ZNF516: variants seen among roughly 807,000 people sequenced by gnomAD.
The protein encoded by ZNF516 is zinc finger protein 516.
ZNF516 carries 19 observed loss-of-function variants against 79.7 expected under a neutral mutation model. The observed-to-expected ratio is 0.24, with a 90% CI of 0.17 to 0.35. ZNF516 has a LOEUF of 0.35. ZNF516 is among the 10% of genes least tolerant of loss of function. ZNF516 has a pLI of 1.00. For missense variants in ZNF516, 1,678 were observed against 1,679.5 expected, an observed-to-expected ratio of 1.00 and a Z score of 0.02; for synonymous variants, 877 against 739.5, an observed-to-expected ratio of 1.19 and a Z score of -3.02.
chr18:76,408,906 G>A (rs541520084), intron 3 of ZNF516, among the ~76,000 whole-genome samples: 68 of 152,314 alleles, frequency 4.5e-4, no homozygotes, highest in Non-Finnish European at 8.8e-4. Flanking sequence ...TGACGAGAGC[G>A]CTGCTAAATT....
intron 1 of ZNF516, chr18:76,492,775 A>T: frequency 1.0e-6 from 1 of 985,626 alleles, no homozygotes; most frequent in Non-Finnish European, 1.2e-6. Flanking sequence ...CTGAATCTGA[A>T]AGTGCTTCTA....
At chr18:76,484,186 C>G (rs537317118) in intron 1 of ZNF516, among the ~76,000 whole-genome samples, 3 of 152,316 alleles carry the variant, frequency 2.0e-5, no homozygotes, top group East Asian at 3.9e-4. Flanking sequence ...AAAGGCTAAG[C>G]TGGGAATCAG....
At chr18:76,424,691 C>A (rs1295202054) in intron 3 of ZNF516, among the ~76,000 whole-genome samples, 16 of 144,104 alleles carry the variant, frequency 1.1e-4, no homozygotes, top group Non-Finnish European at 2.1e-4. Flanking sequence ...GAAAAGGCTC[C>A]CCCGAAACAC....
At chr18:76,465,237 G>T (rs1913388129) in intron 1 of ZNF516, among the ~76,000 whole-genome samples, 1 of 152,228 alleles carries the variant, frequency 6.6e-6, no homozygotes, top group East Asian at 1.9e-4. Flanking sequence ...TGAGACCAAG[G>T]TTTCGGGTTA....
At chr18:76,409,038 T>C (rs2075338781) in intron 3 of ZNF516, among the ~76,000 whole-genome samples, 1 of 152,180 alleles carries the variant, frequency 6.6e-6, no homozygotes, top group African/African-American at 2.4e-5. Flanking sequence ...TCATAAAAGT[T>C]TTACACTTGC....
At chr18:76,404,899 C>T (rs968058329) in intron 3 of ZNF516, among the ~76,000 whole-genome samples, 2 of 152,098 alleles carry the variant, frequency 1.3e-5, no homozygotes, top group Non-Finnish European at 2.9e-5. Flanking sequence ...TGAGTAGGAG[C>T]GTGTGTGTGT....
chr18:76,368,125 T>TTCTATAA (rs1222821363), intron 6 of ZNF516, among the ~76,000 whole-genome samples: 1 of 152,200 alleles, frequency 6.6e-6, no homozygotes, highest in South Asian at 2.1e-4. Flanking sequence ...ACAGAATGTT[T>TTCTATAA]TCTATAATCT....
At chr18:76,410,023 CA>C (rs1599044630) in intron 3 of ZNF516, among the ~76,000 whole-genome samples, 1 of 152,304 alleles carries the variant, frequency 6.6e-6, no homozygotes, top group East Asian at 1.9e-4. Flanking sequence ...TGCCCACCGC[CA>C]TGTAAGATGT....
chr18:76,417,941 A>C (rs945262384), intron 3 of ZNF516, among the ~76,000 whole-genome samples: 12 of 152,390 alleles, frequency 7.9e-5, no homozygotes, highest in Middle Eastern at 3.4e-3. Context: ...CCAGAGGGTC[A>C]AGTATAGCAG....
At chr18:76,417,762 CG>C (rs2075450734) in intron 3 of ZNF516, among the ~76,000 whole-genome samples, 1 of 152,088 alleles carries the variant, frequency 6.6e-6, no homozygotes, top group African/African-American at 2.4e-5. Flanking sequence ...TATGGAATTA[CG>C]ACTACCATTG....
intron 2 of ZNF516, among the ~76,000 whole-genome samples, chr18:76,444,718 G>A (rs907969961): frequency 2.6e-5 from 4 of 152,138 alleles, no homozygotes; most frequent in Non-Finnish European, 5.9e-5. Flanking sequence ...AATCAGTGTC[G>A]GTGTCAAGAG....
At chr18:76,403,929 C>A (rs916505646) in intron 3 of ZNF516, among the ~76,000 whole-genome samples, 2 of 152,220 alleles carry the variant, frequency 1.3e-5, no homozygotes, top group African/African-American at 4.8e-5. Context: ...ACAAAAAGCA[C>A]AGGTCCAAGG....
intron 1 of ZNF516, among the ~76,000 whole-genome samples, chr18:76,469,699 A>C (rs1254381349): frequency 5.3e-5 from 8 of 152,222 alleles, no homozygotes; most frequent in Admixed American, 5.2e-4. Flanking sequence ...CTTCCGTTAG[A>C]AAGTCCTGGA....
In ZNF516 at chr18:76,448,647, C is replaced by T. The variant is rs567632048; in HGVS notation, c.-157-5436G>A. ...AGTCTCTGTCCACATCCCCGAGGAA[C>T]TTCAGGTGACGGCAGGCTCCTTAGA... On this transcript the variant is annotated intron_variant, in intron 2 of 6. Transcript: ENST00000443185. Among the ~76,000 whole-genome samples, 6 of 152,278 alleles carry T rather than the reference C, an allele frequency of 3.9e-5. No individual in the cohort carries two copies. The South Asian group carries it at 1.2e-3, about 32-fold the overall frequency.
rs2145301337 is a variant in ZNF516 at position 76,411,115 on chromosome 18, C to T, written c.1810+30130G>A. Among the ~76,000 whole-genome samples the T allele has an allele frequency of 1.3e-5, 2 of 152,348 alleles. 1 individual carries two copies. Among genetic ancestry groups the T allele is most frequent in the Middle Eastern group, 6.8e-3 (2 of 294 alleles). On this transcript the variant is annotated intron_variant, in intron 3 of 6. Transcript: ENST00000443185. Reference sequence around the variant, plus strand: ...GCACATGGAATCCCTGAGGTCAGGACTGTCTAACAGGTCCTCCTCCGGGAT... The same window carrying T: ...GCACATGGAATCCCTGAGGTCAGGATTGTCTAACAGGTCCTCCTCCGGGAT...
At position 76,442,381 on chromosome 18, in the gene ZNF516, G is replaced by T. The variant is rs1277425483; in HGVS notation, c.674C>A (p.Thr225Asn). 2 of 1,608,900 alleles carry T rather than the reference G, an allele frequency of 1.2e-6. No individual in the cohort carries two copies. The highest frequency in any genetic ancestry group is 1.7e-5 in the Admixed American group (1 of 59,984). Reference protein sequence around the residue: ...LLSHIERDHITAQGPGSGEAC... With the variant: ...LLSHIERDHINAQGPGSGEAC... ...CTCGCCGCTGCCGGGCCCCTGCGCG[G>T]TGATGTGGTCCCTCTCGATGTGGCT... Residue 225 changes from threonine (T) to asparagine (N), a missense_variant, in exon 3 of 7, where the codon ACC (threonine) becomes AAC (asparagine). Coordinates refer to ENST00000443185, the MANE Select transcript of ZNF516 (RefSeq NM_014643.4).
At chr18:76,492,496 A>T in intron 1 of ZNF516, 1 of 449,250 alleles carries the variant, frequency 2.2e-6, no homozygotes, top group Non-Finnish European at 2.9e-6. Flanking sequence ...GCCAGGGACT[A>T]GGCATCAACT....
intron 3 of ZNF516, among the ~76,000 whole-genome samples, chr18:76,437,602 G>A (rs988549786): frequency 1.3e-5 from 2 of 152,234 alleles, no homozygotes; most frequent in East Asian, 1.9e-4. Flanking sequence ...GGACAGGGGT[G>A]ACTGATTCCA....
intron 2 of ZNF516, among the ~76,000 whole-genome samples, chr18:76,458,497 A>G (rs1912868610): frequency 6.6e-6 from 1 of 152,192 alleles, no homozygotes; most frequent in South Asian, 2.1e-4. Flanking sequence ...CCCAACACAG[A>G]TGTTTCGGGG....
Sources: allele counts gnomAD v4.1 joint callset (sites outside exome capture counted in the v4.1 genomes callset), GRCh38; gene constraint gnomAD v4.1.1; transcripts MANE v1.5; gene names NCBI Gene and HGNC (gene_info 2026-07-23, HGNC 2026-07-21).